The following SPATA4 variants were observed in gnomAD, a reference collection of about 807,000 sequenced individuals.
The protein encoded by SPATA4 is spermatogenesis-associated protein 4.
SPATA4 carries 35 observed loss-of-function variants against 31.8 expected under a neutral mutation model. That is an observed-to-expected ratio of 1.10 (90% CI 0.84 to 1.46). The LOEUF is 1.46. Ranked by LOEUF, SPATA4 falls within the 40% of genes most tolerant of loss-of-function variation. The probability of loss-of-function intolerance (pLI) is 0.00; values close to 1 mark genes in which losing one functional copy is unlikely to be tolerated. For synonymous variants in SPATA4, 126 were observed against 132.4 expected (o/e 0.95, Z 0.33); for missense variants, 394 against 363.1 (o/e 1.09, Z -0.69).
At chr4:176,189,109 G>A (rs1752488993) in intron 4 of SPATA4, among the ~76,000 whole-genome samples, 1 of 152,182 alleles carries the variant, frequency 6.6e-6, no homozygotes, top group African/African-American at 2.4e-5. Flanking sequence ...AGAGATACAG[G>A]TTAGTTTTCT....
intron 1 of SPATA4, chr4:176,195,000 T>C: frequency 4.6e-6 from 1 of 218,508 alleles, no homozygotes; most frequent in Non-Finnish European, 9.4e-6. Context: ...GCTCCCAAAA[T>C]GCTGGGATTA....
intron 5 of SPATA4, among the ~76,000 whole-genome samples, chr4:176,187,707 G>T (rs1752467574): frequency 6.6e-6 from 1 of 152,322 alleles, no homozygotes. Flanking sequence ...TAGTATAAAT[G>T]CTTTCTGAAT....
At chr4:176,191,241 A>G (rs1752523277) in intron 4 of SPATA4, among the ~76,000 whole-genome samples, 1 of 151,916 alleles carries the variant, frequency 6.6e-6, no homozygotes, top group Non-Finnish European at 1.5e-5. Context: ...GATTACAGGC[A>G]CACGCCACCA....
Position 176,184,879 on chromosome 4 carries a change from A to G in SPATA4, c.819T>C (p.Ser273=). ...RVVPVLPNIG[S]GGSSHREIHV... is the part of the protein sequence containing the mutation. ...GTATTTCTCTATGTGAACTGCCACC[A>G]CTACCTATATTTGCTGGGACATTTA... is the stretch of plus-strand genomic sequence containing the variant. The change falls in exon 6 of 6, where the codon AGT becomes AGC. Residue 273 remains serine, a synonymous_variant. Coordinates refer to ENST00000280191, the MANE Select transcript of SPATA4 (RefSeq NM_144644.4). The G allele has an allele frequency of 6.3e-7, 1 of 1,588,658 alleles. No homozygotes were observed. The highest frequency in any genetic ancestry group is 1.4e-5 in the African/African-American group (1 of 73,940).
rs1254114338 is a variant in SPATA4 at position 176,188,991 on chromosome 4, T to C, written c.689-756A>G. Among the ~76,000 whole-genome samples the C allele has an allele frequency of 2.6e-5, 4 of 152,184 alleles. No homozygotes were observed. The East Asian group carries it at 7.7e-4, about 29-fold the overall frequency. On this transcript the variant is annotated intron_variant, in intron 4 of 5. Transcript: ENST00000280191. ...TTACTTTGGCCACAAATGAGAAATG[T>C]TTAAAATCAGCAGTCTCAGGAATCA... is the stretch of plus-strand genomic sequence containing the variant.
At chr4:176,185,565 C>T (rs17062566) in intron 5 of SPATA4, among the ~76,000 whole-genome samples, 2 of 152,128 alleles carry the variant, frequency 1.3e-5, no homozygotes, top group African/African-American at 4.8e-5. Context: ...AACAGAGTTA[C>T]GTTCCTACAG....
chr4:176,193,438 T>C lies in SPATA4; in HGVS notation c.348+15A>G, dbSNP rs917172672. The C allele has an allele frequency of 3.1e-6, 5 of 1,606,384 alleles. No individual in the cohort carries two copies. In the African/African-American group the frequency reaches 6.7e-5, roughly 22 times the overall value. On this transcript the variant is annotated intron_variant, in intron 2 of 5. Transcript: ENST00000280191. Reference sequence around the variant, plus strand: ...ACATCTTAACAGTTAAAAGTGTAAATGACTGCTAACGTACCTTCTCCAACT... The same window carrying C: ...ACATCTTAACAGTTAAAAGTGTAAACGACTGCTAACGTACCTTCTCCAACT...
chr4:176,191,671 C>T (rs1307196448), intron 4 of SPATA4, among the ~76,000 whole-genome samples: 1 of 152,106 alleles, frequency 6.6e-6, no homozygotes, highest in East Asian at 1.9e-4. Flanking sequence ...TAAAACTCTT[C>T]TCATTAATAA....
At chr4:176,186,996 C>T (rs540812434) in intron 5 of SPATA4, among the ~76,000 whole-genome samples, 1 of 152,228 alleles carries the variant, frequency 6.6e-6, no homozygotes, top group African/African-American at 2.4e-5. Context: ...ATATTTTAGG[C>T]TTTGTGGTAG....
At chr4:176,186,165 A>G (rs895724894) in intron 5 of SPATA4, among the ~76,000 whole-genome samples, 1 of 152,240 alleles carries the variant, frequency 6.6e-6, no homozygotes, top group African/African-American at 2.4e-5. Context: ...AGCAATTCAA[A>G]TATCAGCAGG....
rs766811996 is a variant in SPATA4, at chr4:176,192,971, A to T, written c.454T>A (p.Leu152Ile). Reference protein sequence around the residue: ...EILIEEVYTLLTHREIKSIQD... With the variant: ...EILIEEVYTLITHREIKSIQD... ...CAAAGAACTTACTCTCGATGTGTTA[A>T]TAAAGTGTAAACCTCTTCTATCAAT... The change falls in exon 3 of 6, where the codon TTA (leucine) becomes ATA (isoleucine). Residue 152 changes from leucine to isoleucine, a missense_variant. Leu to Ile is a conservative substitution (Grantham distance 5, BLOSUM62 2). Coordinates refer to ENST00000280191, the MANE Select transcript of SPATA4 (RefSeq NM_144644.4). The T allele has an allele frequency of 2.9e-5, 47 of 1,604,512 alleles. No individual in the cohort carries two copies. In the East Asian group the frequency reaches 6.5e-4, roughly 22 times the overall value.
In SPATA4 at chr4:176,192,940, A is replaced by T. The variant is rs1230555816; in HGVS notation, c.467+18T>A. The stretch of plus-strand genomic sequence containing the variant: ...TTTCACATTAAATTGTGTTACTAGG[A>T]AATTACAAAGAACTTACTCTCGATG... On this transcript the variant is annotated intron_variant, in intron 3 of 5. Coordinates refer to ENST00000280191, the MANE Select transcript of SPATA4 (RefSeq NM_144644.4). The T allele has an allele frequency of 6.3e-7, 1 of 1,586,390 alleles. No homozygotes were observed. Among genetic ancestry groups the T allele is most frequent in the Non-Finnish European group, 8.6e-7 (1 of 1,165,828 alleles).
chr4:176,188,640 G>A (rs1437956270), intron 4 of SPATA4, among the ~76,000 whole-genome samples: 1 of 152,090 alleles, frequency 6.6e-6, no homozygotes, highest in Non-Finnish European at 1.5e-5. Context: ...ATTCTAAAAG[G>A]AAAATGCTAT....
intron 4 of SPATA4, among the ~76,000 whole-genome samples, chr4:176,190,195 T>G (rs1752506425): frequency 6.6e-6 from 1 of 152,180 alleles, no homozygotes; most frequent in African/African-American, 2.4e-5. Context: ...CATTTCTGCC[T>G]TTTAGTTTTT....
intron 5 of SPATA4, among the ~76,000 whole-genome samples, 158 bp from the exon 6 acceptor site, chr4:176,185,050 C>T (rs75438443): frequency 0.011 from 1,709 of 152,206 alleles, 14 homozygotes; most frequent in Middle Eastern, 0.024. Flanking sequence ...ATTTAAATCA[C>T]GCATTATAGT....
chr4:176,191,033 TA>T (rs1752518777), intron 4 of SPATA4, among the ~76,000 whole-genome samples: 1 of 151,120 alleles, frequency 6.6e-6, no homozygotes, highest in Non-Finnish European at 1.5e-5. Context: ...AAGTAAAAAA[TA>T]ATATTTAAAT....
intron 2 of SPATA4, 30 bp from the exon 3 acceptor site, chr4:176,193,106 C>A: frequency 7.4e-7 from 1 of 1,358,736 alleles, no homozygotes; most frequent in South Asian, 1.3e-5. Context: ...ATGTTTTTAT[C>A]ATAAGAACTT....
At chr4:176,187,336 T>C (rs1421131329) in intron 5 of SPATA4, among the ~76,000 whole-genome samples, 2 of 152,080 alleles carry the variant, frequency 1.3e-5, no homozygotes, top group Non-Finnish European at 2.9e-5. Context: ...TTTGATTTTT[T>C]TTTTAACCAT....
rs1382335105 is a variant in SPATA4 at position 176,192,664 on chromosome 4, A to G, written c.651T>C (p.His217=). The change falls in exon 4 of 6, where the codon CAT becomes CAC. Residue 217 remains histidine (H), a synonymous_variant. Coordinates refer to ENST00000280191, the MANE Select transcript of SPATA4 (RefSeq NM_144644.4). ...ELKAEFLILL[H]MLQRKLGRKL... The stretch of plus-strand genomic sequence containing the variant: ...TTCTGCCTAATTTTCTTTGCAACAT[A>G]TGTAAAAGGATGAGGAACTCCGCTT... 52 of 1,613,958 alleles carry G rather than the reference A, an allele frequency of 3.2e-5. No individual in the cohort carries two copies. Among genetic ancestry groups the G allele is most frequent in the Non-Finnish European group, 3.9e-5 (46 of 1,179,998 alleles).
Sources: allele counts gnomAD v4.1 joint callset (sites outside exome capture counted in the v4.1 genomes callset), GRCh38; gene constraint gnomAD v4.1.1; transcripts MANE v1.5; gene names NCBI Gene and HGNC (gene_info 2026-07-23, HGNC 2026-07-21).